The following AUTS2 variants were observed in gnomAD, a reference collection of about 807,000 sequenced individuals.
AUTS2 encodes activator of transcription and developmental regulator AUTS2.
In AUTS2, 17 loss-of-function variants were observed where a neutral mutation model predicts 112.4. The ratio of observed to expected loss-of-function variants is 0.15; its 90% confidence interval spans 0.10 to 0.23. The LOEUF is 0.23. Ranked by LOEUF, AUTS2 falls within the 10% of genes least tolerant of loss-of-function variation. AUTS2 has a pLI of 1.00. For synonymous variants in AUTS2, 751 were observed against 702.7 expected, an observed-to-expected ratio of 1.07 and a Z score of -1.09; for missense variants, 1,510 against 1,701.6, an observed-to-expected ratio of 0.89 and a Z score of 1.98.
At chr7:69,889,422 C>G (rs1240243841) in intron 1 of AUTS2, among the ~76,000 whole-genome samples, 1 of 152,204 alleles carries the variant, frequency 6.6e-6, no homozygotes, top group Non-Finnish European at 1.5e-5. Flanking sequence ...ATGGTTGTTT[C>G]AACTTACTTT....
chr7:70,512,183 C>T (rs1376405655), intron 5 of AUTS2, among the ~76,000 whole-genome samples: 4 of 152,116 alleles, frequency 2.6e-5, no homozygotes, highest in South Asian at 2.1e-4. Flanking sequence ...AGTGGTGAAC[C>T]GGGTGGGCCT....
intron 11 of AUTS2, 77 bp downstream of exon 11, chr7:70,771,721 G>A (rs1790356240): frequency 1.1e-5 from 14 of 1,316,876 alleles, no homozygotes; most frequent in Admixed American, 6.9e-5. Flanking sequence ...GAAGTTCTGC[G>A]TCCTCTTGCC....
chr7:70,674,981 G>A (rs1284562990), intron 5 of AUTS2, among the ~76,000 whole-genome samples: 1 of 152,162 alleles, frequency 6.6e-6, no homozygotes, highest in Non-Finnish European at 1.5e-5. Flanking sequence ...CTCCTGGCAT[G>A]TGACTTGATG....
At chr7:70,190,258 G>A (rs997730638) in intron 4 of AUTS2, among the ~76,000 whole-genome samples, 2 of 152,130 alleles carry the variant, frequency 1.3e-5, no homozygotes, top group African/African-American at 2.4e-5. Flanking sequence ...CCTGTGCTAG[G>A]TAATGCCTCA....
chr7:70,674,425 A>G (rs1807808025), intron 5 of AUTS2, among the ~76,000 whole-genome samples: 1 of 152,234 alleles, frequency 6.6e-6, no homozygotes, highest in Admixed American at 6.5e-5. Flanking sequence ...TGAGGATTGC[A>G]GTCTTTCAGA....
At chr7:70,519,144 G>A (rs1249228805) in intron 5 of AUTS2, among the ~76,000 whole-genome samples, 1 of 152,056 alleles carries the variant, frequency 6.6e-6, no homozygotes, top group Non-Finnish European at 1.5e-5. Context: ...TCCTAATTAA[G>A]AATAGTTGGG....
chr7:69,845,141 A>G (rs758477036), intron 1 of AUTS2, among the ~76,000 whole-genome samples: 8 of 152,220 alleles, frequency 5.3e-5, no homozygotes, highest in African/African-American at 7.2e-5. Context: ...CATGATTATA[A>G]GATGGCTGCC....
intron 5 of AUTS2, among the ~76,000 whole-genome samples, chr7:70,600,311 T>G (rs965441190): frequency 6.6e-6 from 1 of 152,248 alleles, no homozygotes; most frequent in Non-Finnish European, 1.5e-5. Flanking sequence ...AGTCTTGCTC[T>G]GTTGCCCAGG....
chr7:70,576,348 G>T (rs1802165510), intron 5 of AUTS2, among the ~76,000 whole-genome samples: 1 of 152,174 alleles, frequency 6.6e-6, no homozygotes, highest in South Asian at 2.1e-4. Flanking sequence ...GCTGAGCTGT[G>T]TTTATAACTT....
intron 6 of AUTS2, among the ~76,000 whole-genome samples, chr7:70,738,820 A>T (rs748124748): frequency 1.3e-5 from 2 of 152,138 alleles, no homozygotes; most frequent in Non-Finnish European, 2.9e-5. Context: ...AACACACTGG[A>T]TATACATAGT....
chr7:70,186,195 C>T (rs1194774810), intron 4 of AUTS2, among the ~76,000 whole-genome samples: 1 of 152,008 alleles, frequency 6.6e-6, no homozygotes, highest in Non-Finnish European at 1.5e-5. Context: ...TGTAAAAATC[C>T]TGAAGAAGTT....
chr7:70,690,228 T>C (rs1174563477), intron 5 of AUTS2, among the ~76,000 whole-genome samples: 1 of 152,318 alleles, frequency 6.6e-6, no homozygotes, highest in Non-Finnish European at 1.5e-5. Context: ...ACCTCTACCC[T>C]GAAGAACAAG....
chr7:70,148,585 C>G (rs1034926428), intron 4 of AUTS2, among the ~76,000 whole-genome samples: 1 of 151,294 alleles, frequency 6.6e-6, no homozygotes, highest in African/African-American at 2.4e-5. Flanking sequence ...ACCCAAGAGT[C>G]TATTCTTTGA....
At chr7:69,615,925 A>G (rs1051403707) in intron 1 of AUTS2, among the ~76,000 whole-genome samples, 1 of 152,230 alleles carries the variant, frequency 6.6e-6, no homozygotes, top group South Asian at 2.1e-4. Context: ...TAAGGATTAG[A>G]TTACAGTGTT....
At chr7:70,271,810 G>A (rs541379634) in intron 4 of AUTS2, among the ~76,000 whole-genome samples, 8 of 152,156 alleles carry the variant, frequency 5.3e-5, no homozygotes, top group South Asian at 2.1e-4. Context: ...ATTGCTAACC[G>A]TCACTTTTAC....
At chr7:70,292,528 T>G (rs1434115989) in intron 4 of AUTS2, 1 of 152,246 alleles carries the variant, frequency 6.6e-6, no homozygotes, top group Non-Finnish European at 1.5e-5. Context: ...AGTTACACAT[T>G]TCATAAAGAA....
intron 5 of AUTS2, among the ~76,000 whole-genome samples, chr7:70,566,282 A>G (rs1197912668): frequency 6.6e-6 from 1 of 152,174 alleles, no homozygotes; most frequent in East Asian, 1.9e-4. Flanking sequence ...AGAATTTAAA[A>G]CATTTACATT....
intron 2 of AUTS2, among the ~76,000 whole-genome samples, chr7:70,046,650 C>T (rs1240974315): frequency 6.6e-6 from 1 of 152,160 alleles, no homozygotes; most frequent in Non-Finnish European, 1.5e-5. Context: ...ATGATGAGAA[C>T]ATTCCATAAA....
At chr7:69,790,473 A>C (rs1283850368) in intron 1 of AUTS2, among the ~76,000 whole-genome samples, 2 of 152,124 alleles carry the variant, frequency 1.3e-5, no homozygotes, top group East Asian at 3.9e-4. Flanking sequence ...AATTACCATG[A>C]CTTGAATCTT....
Sources: allele counts gnomAD v4.1 joint callset (sites outside exome capture counted in the v4.1 genomes callset), GRCh38; gene constraint gnomAD v4.1.1; transcripts MANE v1.5; gene names NCBI Gene and HGNC (gene_info 2026-07-23, HGNC 2026-07-21).